The following DCAF7 variants were observed in gnomAD, a reference collection of about 807,000 sequenced individuals.
The protein encoded by DCAF7 is DDB1 and CUL4 associated factor 7.
A neutral mutation model predicts 41.2 loss-of-function variants in DCAF7; 4 were observed. The ratio of observed to expected loss-of-function variants is 0.10; its 90% CI spans 0.05 to 0.22. The LOEUF is 0.22. Ranked by LOEUF, DCAF7 falls within the 10% of genes least tolerant of loss-of-function variation. The probability of loss-of-function intolerance (pLI) is 1.00; values close to 1 mark genes in which losing one functional copy is unlikely to be tolerated. For synonymous variants in DCAF7, 143 were observed against 164.2 expected (o/e 0.87, Z 0.99); for missense variants, 131 against 443.2 (o/e 0.30, Z 6.32).
chr17:63,578,760 C>G (rs1001447005), intron 2 of DCAF7, 132 bp downstream of exon 2: 2 of 1,249,142 alleles, frequency 1.6e-6, no homozygotes. Context: ...GCAAGCGAAG[C>G]TTAAATGGAC....
At chr17:63,557,881 TTTATC>T (rs1297038033) in intron 1 of DCAF7, among the ~76,000 whole-genome samples, 1 of 152,146 alleles carries the variant, frequency 6.6e-6, no homozygotes, top group Non-Finnish European at 1.5e-5. Flanking sequence ...TTTTAAAAAA[TTTATC>T]TTATTTTTCG....
At chr17:63,566,226 C>G (rs767862988) in intron 1 of DCAF7, among the ~76,000 whole-genome samples, 1 of 152,068 alleles carries the variant, frequency 6.6e-6, no homozygotes, top group South Asian at 2.1e-4. Flanking sequence ...AAAAAATTAG[C>G]CGGGCGTGGT....
chr17:63,561,138 G>T (rs895075512), intron 1 of DCAF7, among the ~76,000 whole-genome samples: 17 of 152,104 alleles, frequency 1.1e-4, no homozygotes, highest in African/African-American at 2.9e-4. Context: ...AGTGGTGTGT[G>T]CCTGTAATCC....
chr17:63,559,616 GCATGGTGAA>G (rs2033358971), intron 1 of DCAF7, among the ~76,000 whole-genome samples: 1 of 151,170 alleles, frequency 6.6e-6, no homozygotes, highest in South Asian at 2.1e-4. Context: ...AGTCTGGTCA[GCATGGTGAA>G]ACCCTGTCTC....
intron 1 of DCAF7, among the ~76,000 whole-genome samples, chr17:63,556,449 A>G (rs2033312246): frequency 6.6e-6 from 1 of 152,304 alleles, no homozygotes; most frequent in South Asian, 2.1e-4. Flanking sequence ...CATGCCTGTA[A>G]TCCTAGCTAC....
At chr17:63,556,953 A>G (rs535892043) in intron 1 of DCAF7, among the ~76,000 whole-genome samples, 16 of 152,298 alleles carry the variant, frequency 1.1e-4, no homozygotes, top group African/African-American at 3.8e-4. Context: ...ACTTGAGCCC[A>G]GGAGGTCAAG....
In DCAF7 at chr17:63,579,324, C is replaced by G. The variant is rs190358434; in HGVS notation, c.298-13C>G. 3.8e-6 allele frequency: 6 copies of G among 1,562,392 alleles called. No homozygotes were observed. The East Asian group carries it at 1.4e-4, about 36-fold the overall frequency. On this transcript the variant is annotated splice_polypyrimidine_tract_variant and intron_variant, in intron 2 of 6. Transcript: ENST00000614556. ...AGACTGGCTGATTTTTTTTAAAATT[C>G]TTGTTCCTTCAGGTTGGTGAAACAG...
At chr17:63,579,627 C>T (rs2033597878) in intron 3 of DCAF7, among the ~76,000 whole-genome samples, 179 bp downstream of exon 3, 1 of 152,056 alleles carries the variant, frequency 6.6e-6, no homozygotes, top group African/African-American at 2.4e-5. Flanking sequence ...GATCTTGTCT[C>T]TCCAGTTAGA....
chr17:63,559,030 G>C (rs1431227984), intron 1 of DCAF7, among the ~76,000 whole-genome samples: 1 of 151,964 alleles, frequency 6.6e-6, no homozygotes, highest in Non-Finnish European at 1.5e-5. Context: ...ATATTTTTAA[G>C]GCCAGGCACA....
At chr17:63,575,989 A>T (rs2033557741) in intron 1 of DCAF7, among the ~76,000 whole-genome samples, 1 of 152,276 alleles carries the variant, frequency 6.6e-6, no homozygotes, top group African/African-American at 2.4e-5. Context: ...TTTGCCTACT[A>T]GCAGACAGAT....
chr17:63,550,509 G>A lies in DCAF7; in HGVS notation c.-169G>A, dbSNP rs559544793. ...GTTCCCAAGCTGGTTTGAAACTAGG[G>A]GTCGGGCTCGGCCGTCGTCGTTGTT... On this transcript the variant is annotated 5_prime_UTR_variant, in exon 1 of 7. Transcript: ENST00000614556. The surrounding 1 kb of genome is among the most constrained non-coding windows in gnomAD (Gnocchi z 4.8). The A allele has an allele frequency of 3.2e-5, 35 of 1,084,378 alleles. No individual in the cohort carries two copies. In the African/African-American group the frequency reaches 5.4e-4, roughly 17 times the overall value. 67.2% of individuals were successfully genotyped at this position (1,084,378 alleles called of 1,614,324 possible). A position where few individuals can be genotyped will look rare whatever the true frequency, so the allele number is the denominator to read the frequency against.
At chr17:63,559,377 GTATATATATGTATATATATA>G (rs2033349934) in intron 1 of DCAF7, among the ~76,000 whole-genome samples, 4 of 114,170 alleles carry the variant, frequency 3.5e-5, no homozygotes, top group African/African-American at 1.7e-4. Flanking sequence ...ATATATATGT[GTATATATATGTATATATATA>G]TGTATATATA....
chr17:63,584,081 C>G (rs1598036979), intron 5 of DCAF7, among the ~76,000 whole-genome samples: 1 of 152,168 alleles, frequency 6.6e-6, no homozygotes, highest in East Asian at 1.9e-4. Flanking sequence ...AAGAGTAAAC[C>G]AAATCGTATG....
intron 1 of DCAF7, chr17:63,573,141 G>A (rs1197100852): frequency 6.6e-6 from 1 of 151,018 alleles, no homozygotes; most frequent in Non-Finnish European, 1.5e-5. Context: ...GTTGTTGTGT[G>A]GGTACATAAT....
intron 1 of DCAF7, among the ~76,000 whole-genome samples, chr17:63,570,314 C>T (rs1293585888): frequency 6.6e-6 from 1 of 151,850 alleles, no homozygotes; most frequent in East Asian, 1.9e-4. Flanking sequence ...ATTAGCCAGG[C>T]GTGGTGGTAT....
Position 63,592,357 on chromosome 17 carries a change from A to T in DCAF7, c.*3185A>T, listed in dbSNP as rs950900748. On this transcript the variant is annotated 3_prime_UTR_variant, in exon 7 of 7. Coordinates refer to ENST00000614556, the MANE Select transcript of DCAF7 (RefSeq NM_005828.5). ...GAGGTGGAGCTTGCAGTGAGCCAAG[A>T]TCGTGCCACTGCACTCCAGCCTGGG... is the stretch of plus-strand genomic sequence containing the variant. 3.9e-5 allele frequency: 6 copies of T among 151,952 alleles called. No individual in the cohort carries two copies. The highest frequency in any genetic ancestry group is 1.5e-4 in the African/African-American group (6 of 41,342). The allele number at this position is 151,952 out of a possible 1,614,324, so 9.4% of individuals were successfully genotyped here. A position where few individuals can be genotyped will look rare whatever the true frequency, so the allele number is the denominator to read the frequency against.
intron 1 of DCAF7, among the ~76,000 whole-genome samples, chr17:63,561,519 G>T (rs1598027370): frequency 6.6e-6 from 1 of 152,182 alleles, no homozygotes; most frequent in East Asian, 1.9e-4. Context: ...AGGAGTTTGA[G>T]ATCAGCCTGG....
intron 1 of DCAF7, among the ~76,000 whole-genome samples, chr17:63,564,045 T>A (rs1283583945): frequency 6.6e-6 from 1 of 152,108 alleles, no homozygotes; most frequent in African/African-American, 2.4e-5. Context: ...ACACTTAATG[T>A]ATATATGTTT....
Position 63,590,653 on chromosome 17 carries a change from T to C in DCAF7, c.*1481T>C, listed in dbSNP as rs2033724834. ...GGGGCAGGCAGTTTGGGATGTGCTC[T>C]TGGGGGAAAGTTGGCTGTTTCCTTG... is the stretch of plus-strand genomic sequence containing the variant. On this transcript the variant is annotated 3_prime_UTR_variant, in exon 7 of 7. Coordinates refer to ENST00000614556, the MANE Select transcript of DCAF7 (RefSeq NM_005828.5). The C allele has an allele frequency of 6.5e-6, 1 of 152,768 alleles. No homozygotes were observed. The highest frequency in any genetic ancestry group is 2.4e-5 in the African/African-American group (1 of 41,458). The allele number at this position is 152,768 out of a possible 1,614,324, so 9.5% of individuals were successfully genotyped here. A position where few individuals can be genotyped will look rare whatever the true frequency, so the allele number is the denominator to read the frequency against.
Sources: allele counts gnomAD v4.1 joint callset (sites outside exome capture counted in the v4.1 genomes callset), GRCh38; gene constraint gnomAD v4.1.1; non-coding constraint Gnocchi (gnomAD v3.1); transcripts MANE v1.5; gene names NCBI Gene and HGNC (gene_info 2026-07-23, HGNC 2026-07-21).